The following SEMA5A variants were observed in gnomAD, a reference collection of about 807,000 sequenced individuals.
SEMA5A encodes semaphorin 5A.
In SEMA5A, 55 loss-of-function variants were observed where a neutral mutation model predicts 135.5. That is an observed-to-expected ratio of 0.41 (90% CI 0.33 to 0.51). The LOEUF is 0.51. Among genes scored for constraint, SEMA5A ranks in the 20% least tolerant of loss-of-function variants. The probability of loss-of-function intolerance (pLI) is 0.37; values close to 1 mark genes in which losing one functional copy is unlikely to be tolerated. For missense variants in SEMA5A, 1,290 were observed against 1,419.9 expected, an observed-to-expected ratio of 0.91 and a Z score of 1.47; for synonymous variants, 580 against 546.5, an observed-to-expected ratio of 1.06 and a Z score of -0.85.
At chr5:9,369,416 TAATTCA>T (rs1333208098) in intron 3 of SEMA5A, among the ~76,000 whole-genome samples, 2 of 152,348 alleles carry the variant, frequency 1.3e-5, no homozygotes, top group East Asian at 3.9e-4. Flanking sequence ...AAATCTTTCC[TAATTCA>T]AAGTTTTGGA....
chr5:9,428,114 A>C (rs918889712), intron 2 of SEMA5A, among the ~76,000 whole-genome samples: 8 of 113,622 alleles, frequency 7.0e-5, no homozygotes, highest in African/African-American at 2.3e-4. Context: ...ATATATATAT[A>C]TATTCAACTC....
chr5:9,365,102 A>G (rs977984646), intron 3 of SEMA5A, among the ~76,000 whole-genome samples: 2 of 152,192 alleles, frequency 1.3e-5, no homozygotes, highest in African/African-American at 4.8e-5. Context: ...ATATAAGGAT[A>G]CCCATTTCTG....
rs1404418395 is a variant in SEMA5A at position 9,035,551 on chromosome 5, A to C, written c.*7346T>G. ...GATTTCAGAAAACAATGCATCTGTC[A>C]GATGTCATTAAGCAACAATCTGGGA... On this transcript the variant is annotated 3_prime_UTR_variant, in exon 23 of 23. Coordinates refer to ENST00000382496, the MANE Select transcript of SEMA5A (RefSeq NM_003966.3). 1 of 152,182 alleles carries C rather than the reference A, an allele frequency of 6.6e-6. No homozygotes were observed. Among genetic ancestry groups the C allele is most frequent in the Non-Finnish European group, 1.5e-5 (1 of 68,032 alleles). 9.4% of individuals were successfully genotyped at this position (152,182 alleles called of 1,614,324 possible).
At chr5:9,481,265 T>C (rs1477847837) in intron 1 of SEMA5A, among the ~76,000 whole-genome samples, 4 of 152,108 alleles carry the variant, frequency 2.6e-5, no homozygotes, top group Non-Finnish European at 5.9e-5. Context: ...GTATTAAATA[T>C]ACGTCTGGTG....
At chr5:9,209,528 A>G (rs917282149) in intron 8 of SEMA5A, among the ~76,000 whole-genome samples, 1 of 152,192 alleles carries the variant, frequency 6.6e-6, no homozygotes, top group African/African-American at 2.4e-5. Context: ...TTAACTCCTA[A>G]AAAATATGTT....
At chr5:9,107,440 G>GT (rs1739981584) in intron 16 of SEMA5A, among the ~76,000 whole-genome samples, 2 of 151,890 alleles carry the variant, frequency 1.3e-5, no homozygotes, top group African/African-American at 4.8e-5. Context: ...GCTCCATATA[G>GT]TTTCTCAGTC....
intron 11 of SEMA5A, among the ~76,000 whole-genome samples, chr5:9,164,267 G>A (rs56372622): frequency 0.12 from 16,242 of 139,112 alleles, 1,654 homozygotes; most frequent in African/African-American, 0.26. Flanking sequence ...ATAAATATAT[G>A]ATATAAATAT....
chr5:9,240,809 A>G (rs1369771729), intron 5 of SEMA5A, among the ~76,000 whole-genome samples: 1 of 152,114 alleles, frequency 6.6e-6, no homozygotes, highest in Non-Finnish European at 1.5e-5. Flanking sequence ...CTCACTACTG[A>G]TTTGAGAAGC....
intron 11 of SEMA5A, among the ~76,000 whole-genome samples, chr5:9,163,821 A>T (rs559759992): frequency 6.6e-5 from 10 of 151,976 alleles, no homozygotes; most frequent in African/African-American, 2.2e-4. Flanking sequence ...GAAGGCAGCC[A>T]TCTGTAAGCC....
At chr5:9,263,356 C>A (rs974494425) in intron 5 of SEMA5A, among the ~76,000 whole-genome samples, 3 of 152,154 alleles carry the variant, frequency 2.0e-5, no homozygotes, top group African/African-American at 7.2e-5. Flanking sequence ...AGTTCCTCTG[C>A]CTGTCAGATC....
rs531107307 is a variant in SEMA5A, at chr5:9,204,437, C to T, written c.647-2197G>A. Among the ~76,000 whole-genome samples the T allele has an allele frequency of 3.3e-5, 5 of 152,198 alleles. No individual in the cohort carries two copies. Among genetic ancestry groups the T allele is most frequent in the Admixed American group, 1.3e-4 (2 of 15,276 alleles). On this transcript the variant is annotated intron_variant, in intron 8 of 22. Coordinates refer to ENST00000382496, the MANE Select transcript of SEMA5A (RefSeq NM_003966.3). The surrounding 1 kb of genome is among the most constrained non-coding windows in gnomAD (Gnocchi z 6.4). ...TTCTCAAAAGTCCTGAGCTGAAAAACGAGAAGATACAAAGGAAGAAAGATC... is the reference window on the plus strand; with the variant it reads ...TTCTCAAAAGTCCTGAGCTGAAAAATGAGAAGATACAAAGGAAGAAAGATC...
At chr5:9,295,533 C>T (rs758261440) in intron 5 of SEMA5A, among the ~76,000 whole-genome samples, 11 of 151,954 alleles carry the variant, frequency 7.2e-5, no homozygotes, top group Non-Finnish European at 1.2e-4. Flanking sequence ...GGGAGAAGGA[C>T]GAGTGATGGG....
chr5:9,154,840 A>G, intron 11 of SEMA5A, 145 bp from the exon 12 acceptor site: 1 of 692,162 alleles, frequency 1.4e-6, no homozygotes, highest in South Asian at 1.8e-5. Flanking sequence ...GTACACCTGG[A>G]CACCACTGCA....
chr5:9,095,559 G>A (rs1739272614), intron 16 of SEMA5A, among the ~76,000 whole-genome samples: 2 of 152,168 alleles, frequency 1.3e-5, no homozygotes, highest in Admixed American at 6.5e-5. Context: ...AATAGTCAAT[G>A]TTTTGAAATA....
intron 5 of SEMA5A, among the ~76,000 whole-genome samples, chr5:9,297,988 T>C (rs1365007000): frequency 6.6e-6 from 1 of 152,148 alleles, no homozygotes; most frequent in Non-Finnish European, 1.5e-5. Context: ...TATATAGCTA[T>C]AAAGTTAGGT....
At chr5:9,215,830 T>G (rs567057174) in intron 8 of SEMA5A, among the ~76,000 whole-genome samples, 2 of 152,278 alleles carry the variant, frequency 1.3e-5, no homozygotes, top group South Asian at 2.1e-4. Context: ...ATTTTTTTTT[T>G]CAGAAAACCA....
At chr5:9,077,872 A>G (rs1269757761) in intron 16 of SEMA5A, among the ~76,000 whole-genome samples, 2 of 152,258 alleles carry the variant, frequency 1.3e-5, no homozygotes, top group Admixed American at 6.5e-5. Flanking sequence ...TGATGTATGT[A>G]TGTGCACAAC....
chr5:9,078,957 TCTAA>T (rs1328614948), intron 16 of SEMA5A, among the ~76,000 whole-genome samples: 1 of 152,036 alleles, frequency 6.6e-6, no homozygotes, highest in Admixed American at 6.6e-5. Context: ...TAAATTGATA[TCTAA>T]CATTTTTAAG....
intron 5 of SEMA5A, among the ~76,000 whole-genome samples, chr5:9,258,803 C>CTTTTGTTTTTTTTTTTTTTTTTTTTTT (rs1749230125): frequency 2.0e-5 from 1 of 48,984 alleles, no homozygotes; most frequent in Non-Finnish European, 3.5e-5. Context: ...TTCTTTCTTT[C>CTTTTGTTTTTTTTTTTTTTTTTTTTTT]TTTTTTTTTT....
Sources: gnomAD v4.1 joint callset for allele counts (sites outside exome capture counted in the v4.1 genomes callset) on GRCh38, gnomAD v4.1.1 for gene constraint, Gnocchi (gnomAD v3.1) non-coding constraint, MANE v1.5 for transcripts, NCBI Gene and HGNC (gene_info 2026-07-23, HGNC 2026-07-21) for gene names.